Variants in LRBA observed in about 807,000 individuals in gnomAD.
LRBA encodes the protein LPS responsive beige-like anchor protein.
A neutral mutation model predicts 330.0 loss-of-function variants in LRBA; 176 were observed. The observed-to-expected ratio is 0.53, with a 90% CI of 0.47 to 0.60. The LOEUF is 0.60. Among genes scored for constraint, LRBA ranks in the 20% least tolerant of loss-of-function variants. LRBA has a pLI of 0.00. For synonymous variants in LRBA, 1,230 were observed against 1,193.0 expected (o/e 1.03, Z -0.64); for missense variants, 3,259 against 3,444.8 (o/e 0.95, Z 1.35).
intron 29 of LRBA, among the ~76,000 whole-genome samples, chr4:150,829,307 T>C (rs146433785): frequency 1.3e-4 from 20 of 152,312 alleles, no homozygotes; most frequent in Non-Finnish European, 2.6e-4. Flanking sequence ...GAAAACTTGT[T>C]ACCCCTTCTA....
At chr4:150,371,740 T>C (rs1250001600) in intron 47 of LRBA, among the ~76,000 whole-genome samples, 3 of 151,972 alleles carry the variant, frequency 2.0e-5, no homozygotes, top group African/African-American at 7.2e-5. Flanking sequence ...CTATTTTCTA[T>C]ATTTGTTAGG....
chr4:150,467,790 T>A lies in LRBA; in HGVS notation c.6668-5A>T. 7.4e-7 allele frequency: 1 copy of A among 1,355,388 alleles called. No homozygotes were observed. The highest frequency in any genetic ancestry group is 2.0e-5 in the Admixed American group (1 of 51,190). 84.0% of individuals were successfully genotyped at this position (1,355,388 alleles called of 1,614,324 possible). A position where few individuals can be genotyped will look rare whatever the true frequency, so the allele number is the denominator to read the frequency against. Reference sequence around the variant, plus strand: ...TTAAGTCATTATAACTCCGTCCTGATAGGGAAAAAAGTTACTCGTAATTTA... The same window carrying A: ...TTAAGTCATTATAACTCCGTCCTGAAAGGGAAAAAAGTTACTCGTAATTTA... On this transcript the variant is annotated splice_region_variant and splice_polypyrimidine_tract_variant and intron_variant, in intron 43 of 56. Transcript: ENST00000651943.
At chr4:150,771,056 A>G (rs1370277192) in intron 34 of LRBA, among the ~76,000 whole-genome samples, 2 of 152,090 alleles carry the variant, frequency 1.3e-5, no homozygotes, top group African/African-American at 4.8e-5. Context: ...CTGGGAAGCA[A>G]TCTTAACTTC....
Position 150,302,705 on chromosome 4 carries a change from A to C in LRBA, c.7937T>G (p.Ile2646Ser), listed in dbSNP as rs199469663. The C allele has an allele frequency of 3.1e-6, 5 of 1,613,280 alleles. No individual in the cohort carries two copies. The highest frequency in any genetic ancestry group is 1.1e-5 in the South Asian group (1 of 90,958). ...AGTTGCATCACGTGACCCTGAGAGA[A>C]TGTAGCAATTTCCCCCAATATATGA... is the stretch of plus-strand genomic sequence containing the variant. The part of the protein sequence containing the change: ...SESYIGGNCY[I>S]LSGSRDATLL... The change falls in exon 53 of 57, where the codon ATT (isoleucine) becomes AGT (serine). Residue 2646 changes from isoleucine to serine, a missense_variant. Transcript: ENST00000651943.
intron 2 of LRBA, among the ~76,000 whole-genome samples, chr4:150,972,316 A>G (rs1029435977): frequency 6.6e-6 from 1 of 152,276 alleles, no homozygotes; most frequent in Admixed American, 6.5e-5. Flanking sequence ...ATGTAAAATG[A>G]TTCTCACAAA....
intron 40 of LRBA, among the ~76,000 whole-genome samples, chr4:150,500,024 A>G (rs11722416): frequency 0.22 from 32,736 of 152,030 alleles, 4,371 homozygotes; most frequent in Non-Finnish European, 0.3. Context: ...TTAGACAGTA[A>G]TAAGTTCTAG....
chr4:150,282,865 G>A (rs1747712875), intron 54 of LRBA, among the ~76,000 whole-genome samples: 2 of 152,318 alleles, frequency 1.3e-5, no homozygotes, highest in Admixed American at 1.3e-4. Context: ...GCCAAACCAT[G>A]TAAGTCCAAG....
At chr4:150,576,003 A>G (rs185286179) in intron 40 of LRBA, among the ~76,000 whole-genome samples, 49 of 152,054 alleles carry the variant, frequency 3.2e-4, no homozygotes, top group Middle Eastern at 3.4e-3. Flanking sequence ...GTCACAAAGA[A>G]TAATCCACAA....
rs141511283 is a variant in LRBA at position 150,561,328 on chromosome 4, C to G, written c.6330+26720G>C. ...ATAGTGTGGTATGCAGAATGATGCT[C>G]CCTCCCAAAGATGTCCACATTCTAT... On this transcript the variant is annotated intron_variant, in intron 40 of 56. Coordinates refer to ENST00000651943, the MANE Select transcript of LRBA (RefSeq NM_001364905.1). Among the ~76,000 whole-genome samples, 52 of 152,200 alleles carry G rather than the reference C, an allele frequency of 3.4e-4. No individual in the cohort carries two copies. In the East Asian group the frequency reaches 7.1e-3, roughly 21 times the overall value.
chr4:150,297,402 C>T (rs989197964), intron 53 of LRBA, among the ~76,000 whole-genome samples: 1 of 152,196 alleles, frequency 6.6e-6, no homozygotes, highest in African/African-American at 2.4e-5. Context: ...CATCCTGGAC[C>T]TTCTGGAGAA....
chr4:150,611,880 C>G (rs1389863677), intron 37 of LRBA, among the ~76,000 whole-genome samples: 1 of 152,084 alleles, frequency 6.6e-6, no homozygotes, highest in African/African-American at 2.4e-5. Context: ...CATACAGAAC[C>G]TTTATTTCTA....
intron 40 of LRBA, among the ~76,000 whole-genome samples, chr4:150,553,385 G>T (rs112777180): frequency 0.063 from 9,525 of 151,870 alleles, 499 homozygotes; most frequent in East Asian, 0.18. Context: ...GTTACTGGGT[G>T]CAGCACACCA....
intron 44 of LRBA, among the ~76,000 whole-genome samples, chr4:150,465,295 T>C (rs529155982): frequency 2.6e-4 from 40 of 152,244 alleles, no homozygotes; most frequent in Admixed American, 1.4e-3. Context: ...TGTTTACCCA[T>C]TTATCTGTCG....
intron 28 of LRBA, among the ~76,000 whole-genome samples, chr4:150,832,252 G>A (rs899244418): frequency 6.6e-6 from 1 of 152,056 alleles, no homozygotes; most frequent in South Asian, 2.1e-4. Flanking sequence ...ATCTAAAGAC[G>A]TATGTCCTAA....
chr4:150,639,807 GTGTGTGTGTGTGTA>G (rs1561457752), intron 37 of LRBA, among the ~76,000 whole-genome samples: 999 of 14,828 alleles, frequency 0.067, 308 homozygotes, highest in Middle Eastern at 0.1. Context: ...ATATATATAT[GTGTGTGTGTGTGTA>G]TATATATATA....
chr4:150,732,422 A>C (rs1373516805), intron 36 of LRBA, among the ~76,000 whole-genome samples: 3 of 152,068 alleles, frequency 2.0e-5, no homozygotes, highest in African/African-American at 7.2e-5. Flanking sequence ...AATACAAAAG[A>C]ACAGCATTGC....
intron 40 of LRBA, among the ~76,000 whole-genome samples, chr4:150,514,988 T>C (rs1057084332): frequency 1.3e-5 from 2 of 152,114 alleles, no homozygotes; most frequent in African/African-American, 4.8e-5. Flanking sequence ...TAAACTACCG[T>C]TGAAAAAAAT....
At chr4:150,551,524 C>G (rs1652578532) in intron 40 of LRBA, among the ~76,000 whole-genome samples, 1 of 150,928 alleles carries the variant, frequency 6.6e-6, no homozygotes, top group African/African-American at 2.5e-5. Context: ...ACAAAAAACA[C>G]AAAAATTAGC....
intron 34 of LRBA, among the ~76,000 whole-genome samples, chr4:150,794,912 T>C (rs927855841): frequency 5.3e-5 from 8 of 152,170 alleles, no homozygotes; most frequent in African/African-American, 1.9e-4. Context: ...AAGATTTATC[T>C]GACAGCCCTC....
Sources: gnomAD v4.1 joint callset for allele counts (sites outside exome capture counted in the v4.1 genomes callset) on GRCh38, gnomAD v4.1.1 for gene constraint, MANE v1.5 for transcripts, NCBI Gene and HGNC (gene_info 2026-07-23, HGNC 2026-07-21) for gene names.